Variants in COA1 observed in about 807,000 individuals in gnomAD.
COA1 encodes cytochrome c oxidase assembly factor 1 homolog.
A neutral mutation model predicts 16.0 loss-of-function variants in COA1; 13 were observed. The observed-to-expected ratio is 0.81, with a 90% CI of 0.53 to 1.29. The LOEUF (loss-of-function observed/expected upper bound fraction) is 1.29. Ranked by LOEUF, COA1 falls within the 50% of genes most tolerant of loss-of-function variation. The pLI, the probability that COA1 is intolerant of heterozygous loss-of-function variation, is 0.00. For synonymous variants in COA1, 65 were observed against 65.7 expected (o/e 0.99, Z 0.05); for missense variants, 179 against 177.0 (o/e 1.01, Z -0.06).
chr7:43,678,375 T>G (rs1036436760), intron 1 of COA1, among the ~76,000 whole-genome samples: 1 of 152,094 alleles, frequency 6.6e-6, no homozygotes, highest in African/African-American at 2.4e-5. Context: ...AGTATAACAC[T>G]CTTAGAAGAA....
chr7:43,631,563 C>T (rs1299983521), intron 6 of COA1: 1 of 152,206 alleles, frequency 6.6e-6, no homozygotes, highest in African/African-American at 2.4e-5. Flanking sequence ...AAGAACTTGT[C>T]TCACTTCCTT....
intron 1 of COA1, among the ~76,000 whole-genome samples, chr7:43,722,825 ACAT>A (rs71011943): frequency 0.15 from 22,152 of 152,210 alleles, 2,165 homozygotes; most frequent in Non-Finnish European, 0.21. Flanking sequence ...AATGCAAGTG[ACAT>A]CAAAGTTCCA....
intron 1 of COA1, among the ~76,000 whole-genome samples, chr7:43,700,547 T>TATAC (rs1257623132): frequency 2.0e-5 from 3 of 150,074 alleles, no homozygotes; most frequent in East Asian, 1.9e-4. Context: ...TATATATATA[T>TATAC]ACATACACGT....
intron 3 of COA1, chr7:43,646,694 T>C: frequency 4.4e-6 from 2 of 450,564 alleles, no homozygotes; most frequent in Non-Finnish European, 9.0e-6. Flanking sequence ...GGCCAAATTA[T>C]TCAGTCTGAA....
chr7:43,618,060 T>C (rs925454067), intron 6 of COA1, among the ~76,000 whole-genome samples: 8 of 152,134 alleles, frequency 5.3e-5, no homozygotes, highest in Non-Finnish European at 1.2e-4. Context: ...AGAAGTCAGA[T>C]GGAGGGGCAG....
chr7:43,671,195 G>A lies in COA1; in HGVS notation c.-38-22543C>T, dbSNP rs78319263. Among the ~76,000 whole-genome samples the A allele has an allele frequency of 7.1e-3, 1,074 of 152,224 alleles. 10 individuals carry two copies. Among genetic ancestry groups the A allele is most frequent in the African/African-American group, 0.025 (1,019 of 41,526 alleles). On this transcript the variant is annotated intron_variant, in intron 1 of 5. Coordinates refer to ENST00000223336, the MANE Select transcript of COA1 (RefSeq NM_018224.4). ...TCTAAAACTCCTAGAAGAAACATGA[G>A]AATAAGTCTTCATTAGCTTGGATTA...
intron 1 of COA1, among the ~76,000 whole-genome samples, chr7:43,720,064 A>C (rs2095475775): frequency 1.3e-5 from 2 of 152,182 alleles, no homozygotes; most frequent in Admixed American, 1.3e-4. Context: ...GGGTCACTTG[A>C]GGTCAGGAGT....
rs28837080 is a variant in COA1, at chr7:43,703,318, G to C, written c.-39+26111C>G. 7.1e-3 allele frequency among the ~76,000 whole-genome samples: 1,077 copies of C among 152,216 alleles called. 9 individuals carry two copies. The highest frequency in any genetic ancestry group is 0.025 in the African/African-American group (1,021 of 41,538). On this transcript the variant is annotated intron_variant, in intron 1 of 5. Coordinates refer to ENST00000223336, the MANE Select transcript of COA1 (RefSeq NM_018224.4). Reference sequence around the variant, plus strand: ...GAAGAATGTATATTCTGTTTTTGTTGGGTGAAGTATTCTGTAGATGTCTGT... The same window carrying C: ...GAAGAATGTATATTCTGTTTTTGTTCGGTGAAGTATTCTGTAGATGTCTGT...
chr7:43,627,106 G>A (rs1255203970), intron 6 of COA1, among the ~76,000 whole-genome samples: 1 of 152,164 alleles, frequency 6.6e-6, no homozygotes, highest in Non-Finnish European at 1.5e-5. Flanking sequence ...AGTTTACTCG[G>A]TTTATAAATC....
At chr7:43,643,277 A>G (rs1291957730) in intron 4 of COA1, among the ~76,000 whole-genome samples, 1 of 152,202 alleles carries the variant, frequency 6.6e-6, no homozygotes, top group Non-Finnish European at 1.5e-5. Flanking sequence ...TGGATGCTGC[A>G]TCAACCAGCC....
chr7:43,725,238 CAA>C (rs145651296), intron 1 of COA1, among the ~76,000 whole-genome samples: 21,356 of 118,754 alleles, frequency 0.18, 2,018 homozygotes, highest in Non-Finnish European at 0.25. Flanking sequence ...AACTCCATCT[CAA>C]AAAAAAAAAA....
chr7:43,703,896 A>T (rs918049105), intron 1 of COA1, among the ~76,000 whole-genome samples: 1 of 152,168 alleles, frequency 6.6e-6, no homozygotes, highest in East Asian at 1.9e-4. Context: ...TTATGTAGAT[A>T]ATATACTTGC....
At chr7:43,726,336 A>G (rs972279591) in intron 1 of COA1, among the ~76,000 whole-genome samples, 1 of 152,236 alleles carries the variant, frequency 6.6e-6, no homozygotes, top group Non-Finnish European at 1.5e-5. Flanking sequence ...GTCAGTTTCT[A>G]TAACTCCTAT....
chr7:43,720,388 A>T (rs2095482269), intron 1 of COA1, among the ~76,000 whole-genome samples: 1 of 152,166 alleles, frequency 6.6e-6, no homozygotes, highest in Non-Finnish European at 1.5e-5. Flanking sequence ...GTTTTATCTA[A>T]GTATGATGGA....
intron 1 of COA1, among the ~76,000 whole-genome samples, chr7:43,659,427 C>T (rs2092196353): frequency 6.6e-6 from 1 of 152,146 alleles, no homozygotes; most frequent in South Asian, 2.1e-4. Flanking sequence ...AAATACATTT[C>T]AAGGCCATTC....
At chr7:43,722,352 C>T (rs1204232980) in intron 1 of COA1, among the ~76,000 whole-genome samples, 1 of 152,144 alleles carries the variant, frequency 6.6e-6, no homozygotes, top group Admixed American at 6.5e-5. Flanking sequence ...ACCTTGGCCC[C>T]CCAAAGTGCT....
intron 6 of COA1, among the ~76,000 whole-genome samples, chr7:43,615,349 G>T (rs553852094): frequency 6.6e-6 from 1 of 152,056 alleles, no homozygotes; most frequent in Admixed American, 6.5e-5. Flanking sequence ...CTAATTTTTT[G>T]TATTTTTGGT....
chr7:43,690,037 C>T (rs868432929), intron 1 of COA1, among the ~76,000 whole-genome samples: 26 of 151,930 alleles, frequency 1.7e-4, no homozygotes, highest in Admixed American at 3.3e-4. Flanking sequence ...TAAACCTGAA[C>T]ATATTGATAA....
intron 1 of COA1, among the ~76,000 whole-genome samples, chr7:43,717,632 G>A (rs1033312740): frequency 1.3e-5 from 2 of 152,108 alleles, no homozygotes; most frequent in Non-Finnish European, 2.9e-5. Flanking sequence ...TAAGATTTTG[G>A]GGGACTGTCG....
Sources: gnomAD v4.1 joint callset for allele counts (sites outside exome capture counted in the v4.1 genomes callset) on GRCh38, gnomAD v4.1.1 for gene constraint, MANE v1.5 for transcripts, NCBI Gene and HGNC (gene_info 2026-07-23, HGNC 2026-07-21) for gene names.